Variants in C12orf56 observed in about 807,000 individuals in gnomAD.
The protein encoded by C12orf56 is chromosome 12 open reading frame 56.
Under a neutral mutation model 69.9 loss-of-function variants are expected in C12orf56, and 71 were observed. The observed-to-expected ratio is 1.02, with a 90% CI of 0.84 to 1.24. The LOEUF (loss-of-function observed/expected upper bound fraction) is 1.24. Among genes scored for constraint, C12orf56 ranks in the 50% most tolerant of loss-of-function variants. C12orf56 has a pLI of 0.00. For synonymous variants in C12orf56, 276 were observed against 274.1 expected (o/e 1.01, Z -0.07); for missense variants, 732 against 738.5 (o/e 0.99, Z 0.10).
At chr12:64,273,753 G>A (rs927246942) in intron 11 of C12orf56, among the ~76,000 whole-genome samples, 1 of 152,198 alleles carries the variant, frequency 6.6e-6, no homozygotes. Context: ...GTGCTATGCC[G>A]AAGGAAAAGA....
At chr12:64,382,324 A>C (rs1049763320) in intron 1 of C12orf56, among the ~76,000 whole-genome samples, 1 of 151,726 alleles carries the variant, frequency 6.6e-6, no homozygotes, top group Non-Finnish European at 1.5e-5. Context: ...ATACATAATC[A>C]GTACTCAAAA....
At chr12:64,274,748 T>C (rs767497256) in intron 11 of C12orf56, among the ~76,000 whole-genome samples, 153 bp downstream of exon 11, 4 of 152,252 alleles carry the variant, frequency 2.6e-5, no homozygotes, top group Non-Finnish European at 5.9e-5. Context: ...AAACGATTTA[T>C]CAATTAAATA....
chr12:64,274,007 G>A (rs1482865129), intron 11 of C12orf56, among the ~76,000 whole-genome samples: 1 of 152,210 alleles, frequency 6.6e-6, no homozygotes, highest in African/African-American at 2.4e-5. Flanking sequence ...AACTGCAACA[G>A]TGACGAGGCC....
chr12:64,358,383 A>C (rs2039349506), intron 1 of C12orf56, among the ~76,000 whole-genome samples: 2 of 151,744 alleles, frequency 1.3e-5, no homozygotes. Context: ...GCTGGAACCC[A>C]GGAGGTGGAG....
rs1465862061 is a variant in C12orf56 at position 64,386,384 on chromosome 12, T to TTATATATATA, written c.252+3920_252+3929dup. ...GTGTGCTACCACTGCTGGCTAATTT[T>TTATATATATA]TATATATATATATATTTTTTTTTTT... On this transcript the variant is annotated intron_variant, in intron 1 of 12. Transcript: ENST00000543942. 8.6e-5 allele frequency among the ~76,000 whole-genome samples: 9 copies of TTATATATATA among 104,126 alleles called. 1 individual carries two copies. Among genetic ancestry groups the TTATATATATA allele is most frequent in the African/African-American group, 2.7e-4 (7 of 26,404 alleles). 68.3% of individuals were successfully genotyped at this position (104,126 alleles called of 152,430 possible).
At chr12:64,285,254 T>C (rs1332954143) in intron 7 of C12orf56, among the ~76,000 whole-genome samples, 1 of 152,204 alleles carries the variant, frequency 6.6e-6, no homozygotes, top group African/African-American at 2.4e-5. Flanking sequence ...TCATTTTATA[T>C]GTATCTCTTT....
intron 2 of C12orf56, among the ~76,000 whole-genome samples, chr12:64,343,460 G>T (rs771567136): frequency 6.6e-6 from 1 of 152,202 alleles, no homozygotes; most frequent in South Asian, 2.1e-4. Context: ...AAGGTATATT[G>T]CTGGCCTAGC....
intron 1 of C12orf56, among the ~76,000 whole-genome samples, chr12:64,382,364 A>C (rs2039731224): frequency 6.6e-6 from 1 of 152,054 alleles, no homozygotes; most frequent in African/African-American, 2.4e-5. Flanking sequence ...AAATTTGCTA[A>C]ATTTCCTAAA....
At chr12:64,329,032 C>T (rs7488660) in intron 3 of C12orf56, among the ~76,000 whole-genome samples, 67,632 of 150,618 alleles carry the variant, frequency 0.45, 15,509 homozygotes, top group African/African-American at 0.54. Context: ...ACCACTGCAC[C>T]CCAGCCTGGG....
At chr12:64,289,845 C>G (rs1380730190) in intron 6 of C12orf56, among the ~76,000 whole-genome samples, 1 of 46,068 alleles carries the variant, frequency 2.2e-5, no homozygotes, top group African/African-American at 5.2e-5. Flanking sequence ...GCTTTGGTAT[C>G]AGAATGATGC....
chr12:64,331,087 G>T, intron 2 of C12orf56, 55 bp from the exon 3 acceptor site: 2 of 1,365,544 alleles, frequency 1.5e-6, no homozygotes, highest in Non-Finnish European at 2.0e-6. Context: ...TTGAAATTAT[G>T]AAGAAGACCT....
At chr12:64,283,763 G>A (rs2038162790) in intron 8 of C12orf56, among the ~76,000 whole-genome samples, 2 of 151,692 alleles carry the variant, frequency 1.3e-5, no homozygotes, top group Admixed American at 1.3e-4. Flanking sequence ...AAGACAACAT[G>A]ATAGCAGGCA....
At chr12:64,281,748 G>T (rs56691393) in intron 8 of C12orf56, among the ~76,000 whole-genome samples, 5,029 of 152,194 alleles carry the variant, frequency 0.033, 301 homozygotes, top group African/African-American at 0.12. Flanking sequence ...GACATGAAAA[G>T]AATTGGTAAT....
At chr12:64,365,896 T>G (rs557251325) in intron 1 of C12orf56, among the ~76,000 whole-genome samples, 2 of 135,878 alleles carry the variant, frequency 1.5e-5, no homozygotes, top group African/African-American at 5.6e-5. Context: ...AGTGTATATA[T>G]TATACATTAT....
chr12:64,355,513 G>A (rs2039299142), intron 1 of C12orf56, among the ~76,000 whole-genome samples: 1 of 151,932 alleles, frequency 6.6e-6, no homozygotes, highest in Non-Finnish European at 1.5e-5. Flanking sequence ...ATGTAAATTT[G>A]TGCTCAATAT....
intron 2 of C12orf56, among the ~76,000 whole-genome samples, chr12:64,337,571 C>T (rs1429144616): frequency 6.6e-6 from 1 of 152,086 alleles, no homozygotes; most frequent in Non-Finnish European, 1.5e-5. Flanking sequence ...TAAAACGGGA[C>T]ATAGACCAGG....
At chr12:64,283,280 G>A (rs2038155419) in intron 8 of C12orf56, among the ~76,000 whole-genome samples, 1 of 152,078 alleles carries the variant, frequency 6.6e-6, no homozygotes, top group Admixed American at 6.5e-5. Flanking sequence ...GGAAGCAGAG[G>A]GTGCAGTGAG....
chr12:64,328,188 C>T (rs2136858124), intron 3 of C12orf56, among the ~76,000 whole-genome samples: 1 of 152,152 alleles, frequency 6.6e-6, no homozygotes, highest in East Asian at 1.9e-4. Flanking sequence ...TGTGAATATC[C>T]CCAGTTAGGA....
chr12:64,371,123 CA>C (rs2039564731), intron 1 of C12orf56, among the ~76,000 whole-genome samples: 1 of 152,192 alleles, frequency 6.6e-6, no homozygotes, highest in Non-Finnish European at 1.5e-5. Context: ...GGGTATCAGC[CA>C]GACACGGTGG....
Sources: allele counts gnomAD v4.1 joint callset (sites outside exome capture counted in the v4.1 genomes callset), GRCh38; gene constraint gnomAD v4.1.1; transcripts MANE v1.5; gene names NCBI Gene and HGNC (gene_info 2026-07-23, HGNC 2026-07-21).